Variants in FCHSD2 observed in about 807,000 individuals in gnomAD.
The protein encoded by FCHSD2 is FCH and double SH3 domains 2.
FCHSD2 carries 38 observed loss-of-function variants against 108.1 expected under a neutral mutation model. The ratio of observed to expected loss-of-function variants is 0.35; its 90% CI spans 0.27 to 0.46. The LOEUF (loss-of-function observed/expected upper bound fraction) is 0.46. FCHSD2 is among the 20% of genes least tolerant of loss of function. The probability of loss-of-function intolerance (pLI) is 1.00; values close to 1 mark genes in which losing one functional copy is unlikely to be tolerated. For missense variants in FCHSD2, 751 were observed against 897.8 expected, an observed-to-expected ratio of 0.84 and a Z score of 2.09; for synonymous variants, 279 against 314.7, an observed-to-expected ratio of 0.89 and a Z score of 1.20.
At chr11:72,878,208 G>A (rs1855009064) in intron 12 of FCHSD2, among the ~76,000 whole-genome samples, 1 of 152,116 alleles carries the variant, frequency 6.6e-6, no homozygotes, top group Non-Finnish European at 1.5e-5. Context: ...GAGTCCAGGA[G>A]TTCAAGGCTA....
intron 8 of FCHSD2, among the ~76,000 whole-genome samples, chr11:72,954,897 T>C (rs913568472): frequency 1.3e-5 from 2 of 152,108 alleles, no homozygotes; most frequent in Non-Finnish European, 2.9e-5. Flanking sequence ...CACACAGATA[T>C]ATACAGAAAC....
intron 3 of FCHSD2, among the ~76,000 whole-genome samples, chr11:73,044,157 T>C (rs1162851571): frequency 6.6e-6 from 1 of 152,218 alleles, no homozygotes; most frequent in East Asian, 1.9e-4. Flanking sequence ...GTCACCTTTG[T>C]ATAAATCAAA....
At chr11:73,127,881 AG>A (rs1860896710) in intron 2 of FCHSD2, among the ~76,000 whole-genome samples, 1 of 152,110 alleles carries the variant, frequency 6.6e-6, no homozygotes, top group East Asian at 1.9e-4. Context: ...CCTGAGGTCA[AG>A]GTCAAGAGTT....
intron 3 of FCHSD2, among the ~76,000 whole-genome samples, chr11:73,073,374 G>A (rs1410221844): frequency 6.6e-6 from 1 of 152,224 alleles, no homozygotes; most frequent in East Asian, 1.9e-4. Context: ...GTAGGAAACT[G>A]AAACTACCAA....
intron 4 of FCHSD2, 77 bp from the exon 5 acceptor site, chr11:73,001,211 C>G: frequency 8.5e-7 from 1 of 1,182,690 alleles, no homozygotes; most frequent in Non-Finnish European, 1.2e-6. Flanking sequence ...GCTCACAGGG[C>G]AGCACTGACA....
chr11:73,123,819 A>C (rs1029186229), intron 2 of FCHSD2, among the ~76,000 whole-genome samples: 2 of 152,222 alleles, frequency 1.3e-5, no homozygotes, highest in Non-Finnish European at 2.9e-5. Context: ...CTTACTTAAA[A>C]GGGAATCTTT....
At position 73,059,460 on chromosome 11, in the gene FCHSD2, T is replaced by C. The variant is rs553414789; in HGVS notation, c.165+24235A>G. Among the ~76,000 whole-genome samples, 3 of 152,328 alleles carry C rather than the reference T, an allele frequency of 2.0e-5. No homozygotes were observed. In the East Asian group the frequency reaches 5.8e-4, roughly 29 times the overall value. On this transcript the variant is annotated intron_variant, in intron 3 of 19. Transcript: ENST00000409418. ...ATCAGACTGCACTTCAAAGAGTTCA[T>C]AAATCATAAACATAAATGTCAGATG...
intron 2 of FCHSD2, among the ~76,000 whole-genome samples, chr11:73,097,016 T>TTTTTTTTTTTTTTTTTTTTTTA (rs1860102155): frequency 8.0e-6 from 1 of 125,418 alleles, no homozygotes; most frequent in Non-Finnish European, 1.7e-5. Flanking sequence ...TTTTTTTTTT[T>TTTTTTTTTTTTTTTTTTTTTTA]GATGAGACAG....
intron 9 of FCHSD2, among the ~76,000 whole-genome samples, chr11:72,908,020 C>T (rs576898220): frequency 6.6e-6 from 1 of 152,284 alleles, no homozygotes; most frequent in South Asian, 2.1e-4. Flanking sequence ...CTGGCTCCCC[C>T]CACATCTGAC....
Position 73,060,304 on chromosome 11 carries a change from T to C in FCHSD2, c.165+23391A>G, listed in dbSNP as rs145150639. Among the ~76,000 whole-genome samples the C allele has an allele frequency of 4.6e-3, 693 of 152,280 alleles. 4 individuals are homozygous for C. Among genetic ancestry groups the C allele is most frequent in the Non-Finnish European group, 7.5e-3 (509 of 68,028 alleles). On this transcript the variant is annotated intron_variant, in intron 3 of 19. Transcript: ENST00000409418. ...CATTATTCATATCTTCATTTCTACC[T>C]ATTTATTATTATTATCTGTCACCAG...
intron 9 of FCHSD2, among the ~76,000 whole-genome samples, chr11:72,904,709 T>G (rs977895433): frequency 6.6e-6 from 1 of 152,140 alleles, no homozygotes; most frequent in Non-Finnish European, 1.5e-5. Context: ...TACAAAAAAG[T>G]TTTTCAAATC....
intron 3 of FCHSD2, among the ~76,000 whole-genome samples, chr11:73,078,511 G>GCAA (rs1859607342): frequency 6.6e-6 from 1 of 152,028 alleles, no homozygotes; most frequent in Non-Finnish European, 1.5e-5. Context: ...ACTACTACAT[G>GCAA]CAACAACATG....
At chr11:73,107,043 A>G (rs1424381222) in intron 2 of FCHSD2, among the ~76,000 whole-genome samples, 1 of 151,930 alleles carries the variant, frequency 6.6e-6, no homozygotes, top group Non-Finnish European at 1.5e-5. Flanking sequence ...AGCTATATAT[A>G]TATATATATT....
At chr11:73,080,159 T>C (rs1591537298) in intron 3 of FCHSD2, among the ~76,000 whole-genome samples, 1 of 151,788 alleles carries the variant, frequency 6.6e-6, no homozygotes, top group South Asian at 2.1e-4. Flanking sequence ...TAGACGGGTA[T>C]GGTGGCATGC....
intron 2 of FCHSD2, among the ~76,000 whole-genome samples, chr11:73,091,276 C>T (rs1191105726): frequency 2.6e-5 from 4 of 152,144 alleles, no homozygotes; most frequent in South Asian, 2.1e-4. Context: ...TGGTGGCTCA[C>T]GCCTGTAATC....
intron 13 of FCHSD2, among the ~76,000 whole-genome samples, chr11:72,867,122 A>G (rs1854744893): frequency 6.6e-6 from 1 of 152,262 alleles, no homozygotes; most frequent in Admixed American, 6.5e-5. Flanking sequence ...ACTGTAATAA[A>G]TACCATTGAG....
chr11:72,902,311 C>T (rs1362446393), intron 10 of FCHSD2, among the ~76,000 whole-genome samples: 1 of 152,092 alleles, frequency 6.6e-6, no homozygotes, highest in Non-Finnish European at 1.5e-5. Flanking sequence ...GTTTCAGTAA[C>T]TTGTCTTATA....
In FCHSD2 at chr11:72,913,837, A is replaced by AAC. The variant is rs1555053472; in HGVS notation, c.828+7990_828+7991insGT. Among the ~76,000 whole-genome samples, 757 of 151,544 alleles carry AAC rather than the reference A, an allele frequency of 5.0e-3. 7 individuals carry two copies. Among genetic ancestry groups the AAC allele is most frequent in the African/African-American group, 0.018 (735 of 41,358 alleles). On this transcript the variant is annotated intron_variant, in intron 9 of 19. Transcript: ENST00000409418. ...CCAAAAAAAACCCAAAAAAAAAACA[A>AAC]AAAAAAAAACCCTAGAAATACAGCT...
At chr11:72,877,470 T>A (rs1854993768) in intron 12 of FCHSD2, among the ~76,000 whole-genome samples, 1 of 152,212 alleles carries the variant, frequency 6.6e-6, no homozygotes, top group South Asian at 2.1e-4. Context: ...TGGGTCATTT[T>A]CCAGCTCTAT....
Sources: allele counts gnomAD v4.1 joint callset (sites outside exome capture counted in the v4.1 genomes callset), GRCh38; gene constraint gnomAD v4.1.1; transcripts MANE v1.5; gene names NCBI Gene and HGNC (gene_info 2026-07-23, HGNC 2026-07-21).